THEM4: variants seen among roughly 807,000 people sequenced by gnomAD.
The protein encoded by THEM4 is thioesterase superfamily member 4.
A neutral mutation model predicts 25.0 loss-of-function variants in THEM4; 22 were observed. That is an observed-to-expected ratio of 0.88 (90% CI 0.63 to 1.26). THEM4 has a LOEUF of 1.26. Ranked by LOEUF, THEM4 falls within the 50% of genes most tolerant of loss-of-function variation. The pLI is 0.00. For missense variants in THEM4, 286 were observed against 300.3 expected (o/e 0.95, Z 0.35); for synonymous variants, 113 against 105.6 (o/e 1.07, Z -0.43).
At chr1:151,877,318 C>A (rs1009587914) in intron 4 of THEM4, among the ~76,000 whole-genome samples, 193 bp from the exon 5 acceptor site, 5 of 152,144 alleles carry the variant, frequency 3.3e-5, no homozygotes, top group Admixed American at 6.6e-5. Flanking sequence ...TCCCAAGCAC[C>A]ACTGCTCTCA....
At chr1:151,876,922 T>TCAACCAACCAAC in intron 5 of THEM4, 79 bp downstream of exon 5, 2 of 1,504,750 alleles carry the variant, frequency 1.3e-6, no homozygotes, top group South Asian at 2.8e-5. Flanking sequence ...AAAACCCAAA[T>TCAACCAACCAAC]CAACCAACCA....
intron 1 of THEM4, among the ~76,000 whole-genome samples, chr1:151,908,205 G>A (rs1215510267): frequency 6.6e-6 from 1 of 152,218 alleles, no homozygotes; most frequent in African/African-American, 2.4e-5. Flanking sequence ...GAATGATGAG[G>A]ATTACCGTTT....
intron 2 of THEM4, among the ~76,000 whole-genome samples, chr1:151,894,440 A>T (rs1654173235): frequency 6.6e-6 from 1 of 152,232 alleles, no homozygotes; most frequent in Non-Finnish European, 1.5e-5. Flanking sequence ...TGTTAATAAT[A>T]GGAGAAATTA....
Position 151,909,414 on chromosome 1 carries a change from C to A in THEM4, c.45G>T (p.Leu15=). 6.7e-7 allele frequency: 1 copy of A among 1,489,862 alleles called. No homozygotes were observed. Among genetic ancestry groups the A allele is most frequent in the Non-Finnish European group, 8.9e-7 (1 of 1,127,320 alleles). 92.3% of individuals were successfully genotyped at this position (1,489,862 alleles called of 1,614,324 possible). A position where few individuals can be genotyped will look rare whatever the true frequency, so the allele number is the denominator to read the frequency against. The part of the protein sequence containing the change: ...CAARLRTLGA[L]CLPPVGRRLP... ...GGCGCCGGCCTACTGGCGGCAGGCACAGAGCCCCCAGCGTGCGGAGGCGCG... is the reference window on the plus strand; with the variant it reads ...GGCGCCGGCCTACTGGCGGCAGGCAAAGAGCCCCCAGCGTGCGGAGGCGCG... Residue 15 remains leucine, a synonymous_variant, in exon 1 of 6, where the codon CTG becomes CTT. Transcript: ENST00000368814.
Position 151,873,092 on chromosome 1 carries a change from C to T in THEM4, c.*1796G>A, listed in dbSNP as rs866488284. 2.6e-5 allele frequency among the ~76,000 whole-genome samples: 4 copies of T among 152,108 alleles called. No individual in the cohort carries two copies. Among genetic ancestry groups the T allele is most frequent in the Non-Finnish European group, 5.9e-5 (4 of 68,006 alleles). ...GAGAAAACCACCCTGTGGCTGGAGCCAAGATACGCTGGCGGCAATGCTGCT... is the reference window on the plus strand; with the variant it reads ...GAGAAAACCACCCTGTGGCTGGAGCTAAGATACGCTGGCGGCAATGCTGCT... On this transcript the variant is annotated 3_prime_UTR_variant, in exon 6 of 6. Coordinates refer to ENST00000368814, the MANE Select transcript of THEM4 (RefSeq NM_053055.5).
chr1:151,894,914 CT>C, intron 2 of THEM4, 93 bp downstream of exon 2: 3 of 1,329,194 alleles, frequency 2.3e-6, no homozygotes, highest in Non-Finnish European at 3.2e-6. Flanking sequence ...GCATTATATT[CT>C]TTCTTTTTTT....
At position 151,878,891 on chromosome 1, in the gene THEM4, T is replaced by TACAC. The variant is rs55900104; in HGVS notation, c.558-1770_558-1767dup. Among the ~76,000 whole-genome samples, 1,116 of 138,638 alleles carry TACAC rather than the reference T, an allele frequency of 8.0e-3. 15 individuals are homozygous for TACAC. The highest frequency in any genetic ancestry group is 0.023 in the African/African-American group (864 of 37,442). 91.0% of individuals were successfully genotyped at this position (138,638 alleles called of 152,430 possible). ...GTTTTATTATATTTGTATATGTCTA[T>TACAC]ACACACACACACACACACACACACA... On this transcript the variant is annotated intron_variant, in intron 4 of 5. Transcript: ENST00000368814.
chr1:151,897,683 C>G (rs550326391), intron 1 of THEM4, among the ~76,000 whole-genome samples: 8 of 152,284 alleles, frequency 5.3e-5, no homozygotes, highest in African/African-American at 1.9e-4. Context: ...CTGCAAGAAC[C>G]AGCAATCCCA....
intron 5 of THEM4, among the ~76,000 whole-genome samples, chr1:151,876,452 T>TTC (rs1287096266): frequency 4.0e-5 from 6 of 150,610 alleles, no homozygotes; most frequent in Non-Finnish European, 5.9e-5. Flanking sequence ...TTTGTAAATT[T>TTC]TTTTTTTTTT....
intron 5 of THEM4, among the ~76,000 whole-genome samples, chr1:151,875,804 A>G (rs575239458): frequency 6.6e-6 from 1 of 152,316 alleles, no homozygotes; most frequent in African/African-American, 2.4e-5. Flanking sequence ...AAAGAATCTC[A>G]TATATTGCTG....
At chr1:151,899,426 G>A (rs564349725) in intron 1 of THEM4, among the ~76,000 whole-genome samples, 1 of 151,598 alleles carries the variant, frequency 6.6e-6, no homozygotes, top group African/African-American at 2.4e-5. Flanking sequence ...GGGAGGTGGA[G>A]GTTGCAGTGA....
intron 4 of THEM4, among the ~76,000 whole-genome samples, chr1:151,878,634 G>A (rs1653739738): frequency 1.3e-5 from 2 of 152,146 alleles, no homozygotes; most frequent in Non-Finnish European, 2.9e-5. Flanking sequence ...GAAAGTCCTA[G>A]ATTAGTAAAG....
Position 151,873,010 on chromosome 1 carries a change from G to A in THEM4, c.*1878C>T, listed in dbSNP as rs946112309. Among the ~76,000 whole-genome samples, 6 of 152,116 alleles carry A rather than the reference G, an allele frequency of 3.9e-5. No individual in the cohort carries two copies. Among genetic ancestry groups the A allele is most frequent in the African/African-American group, 1.4e-4 (6 of 41,412 alleles). On this transcript the variant is annotated 3_prime_UTR_variant, in exon 6 of 6. Transcript: ENST00000368814. The stretch of plus-strand genomic sequence containing the variant: ...AGGCCTCTGTCTCCTGCATGCCCCT[G>A]GGAACAGCATGTCTTGGTGTAAAAC...
intron 4 of THEM4, among the ~76,000 whole-genome samples, chr1:151,887,694 G>A (rs1314795617): frequency 1.3e-5 from 2 of 151,990 alleles, no homozygotes; most frequent in African/African-American, 4.8e-5. Flanking sequence ...GGAGTGCAGT[G>A]GCATGATCCT....
At chr1:151,905,179 G>T (rs11204912) in intron 1 of THEM4, among the ~76,000 whole-genome samples, 2 of 152,122 alleles carry the variant, frequency 1.3e-5, no homozygotes, top group Non-Finnish European at 2.9e-5. Flanking sequence ...CCTTTGACTG[G>T]GAGAACAGGG....
intron 4 of THEM4, among the ~76,000 whole-genome samples, chr1:151,883,135 C>T (rs143506428): frequency 1.9e-4 from 6 of 31,608 alleles, no homozygotes; most frequent in Admixed American, 7.4e-4. Flanking sequence ...TATTTATTTT[C>T]GAGATGGAGT....
At chr1:151,891,621 A>G (rs1429765937) in intron 2 of THEM4, among the ~76,000 whole-genome samples, 1 of 152,224 alleles carries the variant, frequency 6.6e-6, no homozygotes, top group East Asian at 1.9e-4. Context: ...AAGCTGCTGA[A>G]AGGAAAAATG....
rs920196464 is a variant in THEM4, at chr1:151,870,871, G to T, written c.*4017C>A. On this transcript the variant is annotated 3_prime_UTR_variant, in exon 6 of 6. Transcript: ENST00000368814. ...AAAATTCTTCCAACAATATATTTCT[G>T]TACATGACTCTCATTTTATTGTTTC... 2.1e-4 allele frequency among the ~76,000 whole-genome samples: 32 copies of T among 152,080 alleles called. No individual in the cohort carries two copies. The highest frequency in any genetic ancestry group is 4.2e-4 in the South Asian group (2 of 4,816).
chr1:151,897,134 G>A (rs576891914), intron 1 of THEM4, among the ~76,000 whole-genome samples: 7 of 152,314 alleles, frequency 4.6e-5, no homozygotes, highest in African/African-American at 1.4e-4. Context: ...ACACCAGAAA[G>A]GAAACTGGCT....
Sources: gnomAD v4.1 joint callset for allele counts (sites outside exome capture counted in the v4.1 genomes callset) on GRCh38, gnomAD v4.1.1 for gene constraint, MANE v1.5 for transcripts, NCBI Gene and HGNC (gene_info 2026-07-23, HGNC 2026-07-21) for gene names.